Variants in GRIN2A observed in about 807,000 individuals in gnomAD.
GRIN2A encodes the protein glutamate ionotropic receptor NMDA type subunit 2A.
Under a neutral mutation model 113.4 loss-of-function variants are expected in GRIN2A, and 22 were observed. The ratio of observed to expected loss-of-function variants is 0.19; its 90% CI spans 0.14 to 0.28. The LOEUF (loss-of-function observed/expected upper bound fraction) is 0.28, where lower values mean the gene tolerates loss of function less well. Ranked by LOEUF, GRIN2A falls within the 10% of genes least tolerant of loss-of-function variation. GRIN2A has a pLI of 1.00. For synonymous variants in GRIN2A, 827 were observed against 738.4 expected, an observed-to-expected ratio of 1.12 and a Z score of -1.94; for missense variants, 1,502 against 1,887.0, an observed-to-expected ratio of 0.80 and a Z score of 3.78.
chr16:9,958,047 C>A (rs960697556), intron 2 of GRIN2A, among the ~76,000 whole-genome samples: 1 of 152,188 alleles, frequency 6.6e-6, no homozygotes, highest in Non-Finnish European at 1.5e-5. Context: ...AGAATCACAG[C>A]TCTGCTATCT....
chr16:9,926,468 T>C (rs2044466332), intron 3 of GRIN2A, among the ~76,000 whole-genome samples: 3 of 152,226 alleles, frequency 2.0e-5, no homozygotes, highest in Admixed American at 1.3e-4. Context: ...GCTGTAAGCA[T>C]ATAGGATAAG....
chr16:9,889,461 T>C (rs2043649829), intron 4 of GRIN2A, among the ~76,000 whole-genome samples: 1 of 152,160 alleles, frequency 6.6e-6, no homozygotes. Context: ...TTCCACCTTG[T>C]TGATTTTTAC....
At chr16:9,914,585 G>T (rs1481490228) in intron 3 of GRIN2A, among the ~76,000 whole-genome samples, 1 of 152,134 alleles carries the variant, frequency 6.6e-6, no homozygotes, top group African/African-American at 2.4e-5. Context: ...CAACGCATAC[G>T]CATTTGTTTT....
chr16:9,937,453 A>G (rs2044737733), intron 3 of GRIN2A, among the ~76,000 whole-genome samples: 1 of 152,196 alleles, frequency 6.6e-6, no homozygotes, highest in African/African-American at 2.4e-5. Context: ...GCCTGTGTCA[A>G]AACATCTCAT....
At chr16:10,139,258 T>C (rs1349295723) in intron 2 of GRIN2A, among the ~76,000 whole-genome samples, 2 of 152,116 alleles carry the variant, frequency 1.3e-5, no homozygotes, top group Non-Finnish European at 1.5e-5. Context: ...GCACCTCGTG[T>C]CTCAGTGATG....
At chr16:9,875,098 C>CA (rs1242172541) in intron 4 of GRIN2A, among the ~76,000 whole-genome samples, 2 of 144,200 alleles carry the variant, frequency 1.4e-5, no homozygotes, top group Non-Finnish European at 3.1e-5. Flanking sequence ...TGGGCTCAAG[C>CA]AATTATCTTG....
chr16:9,988,063 T>C (rs1337899183), intron 2 of GRIN2A, among the ~76,000 whole-genome samples: 5 of 152,004 alleles, frequency 3.3e-5, no homozygotes, highest in South Asian at 4.2e-4. Flanking sequence ...CAAACCCTGG[T>C]TTTTCTGCCT....
chr16:9,844,057 C>A (rs1344748076), intron 5 of GRIN2A, among the ~76,000 whole-genome samples: 3 of 152,236 alleles, frequency 2.0e-5, no homozygotes, highest in East Asian at 1.9e-4. Context: ...ATTTGTATCA[C>A]CTTCATTCTA....
At chr16:10,030,350 G>C (rs568575890) in intron 2 of GRIN2A, among the ~76,000 whole-genome samples, 7 of 152,130 alleles carry the variant, frequency 4.6e-5, no homozygotes, top group African/African-American at 1.7e-4. Flanking sequence ...TGTTGTGTTT[G>C]TATGAATAGC....
At chr16:10,058,456 T>G (rs142642152) in intron 2 of GRIN2A, among the ~76,000 whole-genome samples, 3 of 152,212 alleles carry the variant, frequency 2.0e-5, no homozygotes, top group African/African-American at 7.2e-5. Flanking sequence ...CTAACTACAA[T>G]GATTTCAAAA....
intron 2 of GRIN2A, among the ~76,000 whole-genome samples, chr16:10,077,557 A>G (rs1356297683): frequency 6.6e-6 from 1 of 152,204 alleles, no homozygotes; most frequent in African/African-American, 2.4e-5. Context: ...TCAACAGTGA[A>G]GCCAGAATGG....
chr16:9,764,325 T>C lies in GRIN2A; in HGVS notation c.3219A>G (p.Glu1073=). The change falls in exon 13 of 13, where the codon GAA becomes GAG. Residue 1073 remains glutamate (E), a synonymous_variant. Coordinates refer to ENST00000330684, the MANE Select transcript of GRIN2A (RefSeq NM_001134407.3). ...TTTTGTGGTTCTTACTGTTGTCAGGTTCCCTGTGGCACGTGGCCCGATTTG... is the reference window on the plus strand; with the variant it reads ...TTTTGTGGTTCTTACTGTTGTCAGGCTCCCTGTGGCACGTGGCCCGATTTG... ...ETSNRATCHR[E]PDNSKNHKTK... 6.2e-6 allele frequency: 10 copies of C among 1,614,106 alleles called. No individual in the cohort carries two copies. The highest frequency in any genetic ancestry group is 8.5e-6 in the Non-Finnish European group (10 of 1,179,996).
chr16:9,919,917 C>T (rs1295341803), intron 3 of GRIN2A, among the ~76,000 whole-genome samples: 1 of 152,218 alleles, frequency 6.6e-6, no homozygotes, highest in Non-Finnish European at 1.5e-5. Flanking sequence ...ATATTACTTT[C>T]TCATTCACTT....
chr16:9,986,178 A>G (rs915499575), intron 2 of GRIN2A, among the ~76,000 whole-genome samples: 21 of 152,206 alleles, frequency 1.4e-4, no homozygotes, highest in African/African-American at 5.1e-4. Context: ...ATAAGAAAGG[A>G]AATCTGTAGA....
chr16:9,942,235 A>C (rs1467538050), intron 2 of GRIN2A, among the ~76,000 whole-genome samples: 1 of 152,066 alleles, frequency 6.6e-6, no homozygotes, highest in Non-Finnish European at 1.5e-5. Flanking sequence ...CTCTATAGTC[A>C]TCAATAGCTC....
chr16:10,136,448 T>A (rs991921020), intron 2 of GRIN2A, among the ~76,000 whole-genome samples: 3 of 152,210 alleles, frequency 2.0e-5, no homozygotes, highest in African/African-American at 7.2e-5. Flanking sequence ...TAACTCAGAA[T>A]AGCCAATTTA....
intron 2 of GRIN2A, among the ~76,000 whole-genome samples, chr16:10,174,187 G>A (rs141510642): frequency 1.3e-5 from 2 of 152,232 alleles, no homozygotes; most frequent in Non-Finnish European, 2.9e-5. Flanking sequence ...TGCTAGCTGT[G>A]GATGGTGCTG....
rs767268773 is a variant in GRIN2A, at chr16:9,764,758, G to C, written c.2786C>G (p.Ser929Cys). 6.2e-7 allele frequency: 1 copy of C among 1,614,176 alleles called. No individual in the cohort carries two copies. Among genetic ancestry groups the C allele is most frequent in the South Asian group, 1.1e-5 (1 of 91,084 alleles). The change falls in exon 13 of 13, where the codon TCC (serine) becomes TGC (cysteine). Residue 929 changes from serine (S) to cysteine (C), a missense_variant. Coordinates refer to ENST00000330684, the MANE Select transcript of GRIN2A (RefSeq NM_001134407.3). ...ATCTGAAACCATGTCCATGATGAGG[G>C]AACCTCTTTGGATGAAGTCAGCAGC... ...KRAADFIQRG[S>C]LIMDMVSDKG...
chr16:10,123,127 T>A (rs1363671761), intron 2 of GRIN2A, among the ~76,000 whole-genome samples: 2 of 152,156 alleles, frequency 1.3e-5, no homozygotes, highest in Middle Eastern at 3.2e-3. Flanking sequence ...GGCCGATCTC[T>A]CTTGGATCAA....
Sources: gnomAD v4.1 joint callset for allele counts (sites outside exome capture counted in the v4.1 genomes callset) on GRCh38, gnomAD v4.1.1 for gene constraint, MANE v1.5 for transcripts, NCBI Gene and HGNC (gene_info 2026-07-23, HGNC 2026-07-21) for gene names.